The following FAM227B variants were observed in gnomAD, a reference collection of about 807,000 sequenced individuals.
FAM227B encodes the protein protein FAM227B.
FAM227B carries 88 observed loss-of-function variants against 73.8 expected under a neutral mutation model. The ratio of observed to expected loss-of-function variants is 1.19; its 90% CI spans 1.00 to 1.42. FAM227B has a LOEUF of 1.42. Ranked by LOEUF, FAM227B falls within the 40% of genes most tolerant of loss-of-function variation. FAM227B has a pLI of 0.00. For missense variants in FAM227B, 632 were observed against 590.9 expected (o/e 1.07, Z -0.72); for synonymous variants, 210 against 190.5 (o/e 1.10, Z -0.84).
intron 9 of FAM227B, among the ~76,000 whole-genome samples, chr15:49,542,366 G>T (rs930652140): frequency 2.0e-5 from 3 of 152,210 alleles, no homozygotes; most frequent in Admixed American, 1.3e-4. Context: ...GGAACAAGTG[G>T]TATCTAATTG....
intron 10 of FAM227B, among the ~76,000 whole-genome samples, chr15:49,536,072 C>CAAAAAAAAAAAAAAAAAAAAAAAAAAA (rs59203003): frequency 1.8e-5 from 2 of 114,010 alleles, no homozygotes; most frequent in Non-Finnish European, 1.8e-5. Flanking sequence ...GGCAATCAGA[C>CAAAAAAAAAAAAAAAAAAAAAAAAAAA]AAAAAAAAAA....
intron 9 of FAM227B, among the ~76,000 whole-genome samples, chr15:49,547,563 C>A (rs1437373475): frequency 6.6e-6 from 1 of 151,822 alleles, no homozygotes; most frequent in Non-Finnish European, 1.5e-5. Flanking sequence ...CACATAGGCT[C>A]AAAATAAAGG....
At chr15:49,390,961 A>G (rs895508128) in intron 11 of FAM227B, among the ~76,000 whole-genome samples, 10 of 152,114 alleles carry the variant, frequency 6.6e-5, no homozygotes, top group African/African-American at 2.4e-4. Flanking sequence ...TAGGAAGACC[A>G]TGGGATGAAG....
At chr15:49,573,243 A>C (rs942621940) in intron 8 of FAM227B, among the ~76,000 whole-genome samples, 2 of 151,876 alleles carry the variant, frequency 1.3e-5, no homozygotes, top group South Asian at 4.2e-4. Context: ...TTTTCTAGAT[A>C]TGTTATTATT....
chr15:49,391,718 C>T (rs1227261796), intron 11 of FAM227B, among the ~76,000 whole-genome samples: 1 of 152,014 alleles, frequency 6.6e-6, no homozygotes, highest in African/African-American at 2.4e-5. Context: ...ACCTGTGAGC[C>T]CCCACTTCAA....
At chr15:49,337,507 ACTTTTTTT>A (rs1567096595) in intron 13 of FAM227B, among the ~76,000 whole-genome samples, 3 of 22,990 alleles carry the variant, frequency 1.3e-4, no homozygotes, top group African/African-American at 5.4e-4. Flanking sequence ...TCATTTACCC[ACTTTTTTT>A]TTTTTTTTTT....
At chr15:49,371,156 CAAA>C (rs2045777302) in intron 12 of FAM227B, 143 bp downstream of exon 12, 1 of 424,780 alleles carries the variant, frequency 2.4e-6, no homozygotes, top group Non-Finnish European at 4.2e-6. Flanking sequence ...AAACCTCAAA[CAAA>C]TCTCTTTTGA....
intron 2 of FAM227B, among the ~76,000 whole-genome samples, chr15:49,614,319 C>CA (rs113319456): frequency 4.5e-4 from 66 of 147,394 alleles, no homozygotes; most frequent in African/African-American, 1.1e-3. Flanking sequence ...CAAACTTGGA[C>CA]AAAAAAAAAA....
chr15:49,414,640 A>G (rs1427913337), intron 11 of FAM227B, among the ~76,000 whole-genome samples: 1 of 152,100 alleles, frequency 6.6e-6, no homozygotes, highest in Non-Finnish European at 1.5e-5. Context: ...TGGATTGGAG[A>G]TTGGGGAGAG....
At chr15:49,349,805 C>T (rs1020321377) in intron 13 of FAM227B, among the ~76,000 whole-genome samples, 1 of 151,782 alleles carries the variant, frequency 6.6e-6, no homozygotes, top group African/African-American at 2.4e-5. Context: ...GTGTATGGAC[C>T]AAAACTCTGC....
chr15:49,346,913 G>T (rs1423772722), intron 13 of FAM227B, among the ~76,000 whole-genome samples: 1 of 152,054 alleles, frequency 6.6e-6, no homozygotes, highest in Non-Finnish European at 1.5e-5. Context: ...GTTTACCTTT[G>T]CCTATAAGTA....
chr15:49,424,771 A>G (rs1272806192), intron 11 of FAM227B: 1 of 449,250 alleles, frequency 2.2e-6, no homozygotes, highest in Non-Finnish European at 3.9e-6. Flanking sequence ...GGGCAAATCT[A>G]CTTACATTAT....
chr15:49,539,607 G>A (rs1033017234), intron 10 of FAM227B, among the ~76,000 whole-genome samples: 2 of 152,194 alleles, frequency 1.3e-5, no homozygotes, highest in Admixed American at 6.5e-5. Context: ...AATGAGGTCT[G>A]GAGAGTAAAT....
chr15:49,393,734 G>T (rs1372315384), intron 11 of FAM227B, among the ~76,000 whole-genome samples: 1 of 151,982 alleles, frequency 6.6e-6, no homozygotes, highest in Non-Finnish European at 1.5e-5. Context: ...TGACTACTGC[G>T]ACTAACTGAA....
At chr15:49,482,797 G>A (rs2056067016) in intron 11 of FAM227B, among the ~76,000 whole-genome samples, 1 of 151,930 alleles carries the variant, frequency 6.6e-6, no homozygotes, top group South Asian at 2.1e-4. Context: ...TAAGAGCAAT[G>A]CAATAATCCT....
rs1374252499 is a variant in FAM227B at position 49,501,962 on chromosome 15, T to C, written c.1012+6249A>G. Among the ~76,000 whole-genome samples, 3 of 152,182 alleles carry C rather than the reference T, an allele frequency of 2.0e-5. No individual in the cohort carries two copies. In the East Asian group the frequency reaches 5.8e-4, roughly 29 times the overall value. On this transcript the variant is annotated intron_variant, in intron 11 of 15. Coordinates refer to ENST00000299338, the MANE Select transcript of FAM227B (RefSeq NM_152647.3). ...TCCAGGTACAGCTTGAGCTGCCACT[T>C]TGGAGAATGCAAGCTATAAAACTTG...
chr15:49,331,979 A>G (rs2038852410), intron 14 of FAM227B, 130 bp from the exon 15 acceptor site: 2 of 646,236 alleles, frequency 3.1e-6, no homozygotes, highest in South Asian at 3.6e-5. Context: ...TATTAATTCA[A>G]TTACCCTTAA....
chr15:49,591,866 G>A (rs984540355), intron 3 of FAM227B, among the ~76,000 whole-genome samples: 1 of 152,084 alleles, frequency 6.6e-6, no homozygotes, highest in East Asian at 1.9e-4. Flanking sequence ...TGTGTTCTAT[G>A]TATATACAGC....
At chr15:49,457,316 G>A (rs938894726) in intron 11 of FAM227B, among the ~76,000 whole-genome samples, 7 of 151,886 alleles carry the variant, frequency 4.6e-5, no homozygotes, top group Admixed American at 6.6e-5. Flanking sequence ...TCAAATCAGC[G>A]TGTAAACTAC....
Sources: allele counts gnomAD v4.1 joint callset (sites outside exome capture counted in the v4.1 genomes callset), GRCh38; gene constraint gnomAD v4.1.1; transcripts MANE v1.5; gene names NCBI Gene and HGNC (gene_info 2026-07-23, HGNC 2026-07-21).